Variants in NFIA observed in about 807,000 individuals in gnomAD.
NFIA encodes the protein nuclear factor I A, also known as nuclear factor 1 A-type.
Under a neutral mutation model 62.8 loss-of-function variants are expected in NFIA, and 8 were observed. That is an observed-to-expected ratio of 0.13 (90% CI 0.07 to 0.23). The LOEUF (loss-of-function observed/expected upper bound fraction) is 0.23, where lower values mean the gene tolerates loss of function less well. NFIA is among the 10% of genes least tolerant of loss of function. The pLI is 1.00. For missense variants in NFIA, 410 were observed against 642.1 expected (o/e 0.64, Z 3.91); for synonymous variants, 235 against 238.1 (o/e 0.99, Z 0.12).
chr1:61,364,557 C>T (rs893194282), intron 6 of NFIA, among the ~76,000 whole-genome samples: 1 of 152,294 alleles, frequency 6.6e-6, no homozygotes, highest in South Asian at 2.1e-4. Context: ...ATTGCTTAGG[C>T]TCAGCCAAGG....
chr1:61,376,990 G>A (rs1664179548), intron 6 of NFIA, among the ~76,000 whole-genome samples: 1 of 152,134 alleles, frequency 6.6e-6, no homozygotes, highest in South Asian at 2.1e-4. Context: ...GCCAAGGTGG[G>A]TGGATCACCT....
At chr1:61,213,412 A>C (rs1041555419) in intron 2 of NFIA, among the ~76,000 whole-genome samples, 3 of 152,222 alleles carry the variant, frequency 2.0e-5, no homozygotes, top group African/African-American at 7.2e-5. Flanking sequence ...TGCAAGTCTA[A>C]GTCTCCAAGG....
intron 2 of NFIA, among the ~76,000 whole-genome samples, chr1:61,188,763 C>A (rs1180553809): frequency 6.6e-6 from 1 of 152,130 alleles, no homozygotes; most frequent in East Asian, 1.9e-4. Flanking sequence ...TTTAGTCATT[C>A]TTTTACTCTT....
intron 2 of NFIA, among the ~76,000 whole-genome samples, chr1:61,257,861 G>GTTTTTTTTTTTTTTTTTTTTTT (rs58077067): frequency 1.6e-5 from 2 of 126,418 alleles, no homozygotes; most frequent in Non-Finnish European, 1.6e-5. Context: ...ATGCTTAGCT[G>GTTTTTTTTTTTTTTTTTTTTTT]TTTTTTTTTT....
At chr1:61,387,300 G>A (rs1258919154) in intron 7 of NFIA, among the ~76,000 whole-genome samples, 1 of 152,004 alleles carries the variant, frequency 6.6e-6, no homozygotes, top group South Asian at 2.1e-4. Flanking sequence ...TAGGAGCAAA[G>A]GAAATAATGT....
chr1:61,436,162 A>T (rs1020757174), intron 10 of NFIA, among the ~76,000 whole-genome samples: 7 of 152,162 alleles, frequency 4.6e-5, no homozygotes, highest in Admixed American at 1.3e-4. Context: ...TCTGTGAAAC[A>T]GTGCCCCCTG....
At chr1:61,367,273 A>C in intron 6 of NFIA, among the ~76,000 whole-genome samples, 1 of 152,224 alleles carries the variant, frequency 6.6e-6, no homozygotes, top group East Asian at 1.9e-4. Context: ...CACAGGGGAA[A>C]CCCATTATCA....
At chr1:61,108,468 C>T (rs924367611) in intron 2 of NFIA, among the ~76,000 whole-genome samples, 1 of 151,424 alleles carries the variant, frequency 6.6e-6, no homozygotes, top group African/African-American at 2.4e-5. Context: ...TATTTTTAGC[C>T]AATAATGTAT....
At chr1:61,383,840 C>T (rs1664551173) in intron 7 of NFIA, among the ~76,000 whole-genome samples, 1 of 152,194 alleles carries the variant, frequency 6.6e-6, no homozygotes, top group African/African-American at 2.4e-5. Context: ...CAATATGTGG[C>T]ATTTTGTGTT....
At chr1:61,102,481 G>A (rs1258515595) in intron 2 of NFIA, among the ~76,000 whole-genome samples, 1 of 151,982 alleles carries the variant, frequency 6.6e-6, no homozygotes, top group Non-Finnish European at 1.5e-5. Context: ...TAAATCTTTA[G>A]AACCATATCC....
chr1:61,277,420 T>C (rs1185812992), intron 2 of NFIA, 100 bp from the exon 3 acceptor site: 1 of 1,021,758 alleles, frequency 9.8e-7, no homozygotes, highest in African/African-American at 1.6e-5. Context: ...ATGTTCCCTT[T>C]CTTAGTTTAT....
intron 3 of NFIA, among the ~76,000 whole-genome samples, chr1:61,287,027 A>G (rs78285972): frequency 1.3e-5 from 2 of 152,338 alleles, no homozygotes; most frequent in African/African-American, 2.4e-5. Context: ...AAGGCAAATC[A>G]TATTGGATCT....
chr1:61,100,302 G>T (rs929437675), intron 2 of NFIA, among the ~76,000 whole-genome samples: 1 of 152,126 alleles, frequency 6.6e-6, no homozygotes, highest in Non-Finnish European at 1.5e-5. Context: ...CATCGGTGCG[G>T]ATGCTCTTTG....
Position 61,299,518 on chromosome 1 carries a change from G to A in NFIA, c.625+21933G>A, listed in dbSNP as rs574373020. On this transcript the variant is annotated intron_variant, in intron 3 of 10. Transcript: ENST00000403491. ...ATTTTTGTTAAAGGGAAATCTTAAT[G>A]GGAAGAACTGTAGATAACAAATTTG... Among the ~76,000 whole-genome samples the A allele has an allele frequency of 3.9e-5, 6 of 152,272 alleles. No individual in the cohort carries two copies. The South Asian group carries it at 1.2e-3, about 32-fold the overall frequency.
intron 10 of NFIA, among the ~76,000 whole-genome samples, chr1:61,447,346 T>G (rs559416109): frequency 3.3e-5 from 5 of 152,332 alleles, no homozygotes; most frequent in African/African-American, 9.6e-5. Context: ...AAATACAGCC[T>G]TTAATGAATT....
chr1:61,328,263 A>G, intron 3 of NFIA, among the ~76,000 whole-genome samples: 1 of 152,028 alleles, frequency 6.6e-6, no homozygotes, highest in Non-Finnish European at 1.5e-5. Flanking sequence ...TTCCTGCCTC[A>G]GGGCCTTTGC....
At chr1:61,270,566 T>C (rs1657442824) in intron 2 of NFIA, among the ~76,000 whole-genome samples, 1 of 152,230 alleles carries the variant, frequency 6.6e-6, no homozygotes, top group Non-Finnish European at 1.5e-5. Context: ...TTGAAGCATG[T>C]ATTTTATAGT....
chr1:61,361,712 A>G (rs990641230), intron 6 of NFIA, among the ~76,000 whole-genome samples: 4 of 151,950 alleles, frequency 2.6e-5, no homozygotes, highest in Non-Finnish European at 5.9e-5. Context: ...AAATTTTAAC[A>G]TTTGAATACC....
chr1:61,164,247 G>C (rs1649414799), intron 2 of NFIA, among the ~76,000 whole-genome samples: 1 of 151,766 alleles, frequency 6.6e-6, no homozygotes, highest in African/African-American at 2.4e-5. Context: ...GTCATTTATG[G>C]TTGCCATATG....
Sources: gnomAD v4.1 joint callset for allele counts (sites outside exome capture counted in the v4.1 genomes callset) on GRCh38, gnomAD v4.1.1 for gene constraint, MANE v1.5 for transcripts, NCBI Gene and HGNC (gene_info 2026-07-23, HGNC 2026-07-21) for gene names.